C2orf76: variants seen among roughly 807,000 people sequenced by gnomAD.
The protein encoded by C2orf76 is chromosome 2 open reading frame 76.
In C2orf76, 23 loss-of-function variants were observed where a neutral mutation model predicts 16.9. The observed-to-expected ratio is 1.36, with a 90% CI of 0.98 to 1.93. The LOEUF is 1.93. Ranked by LOEUF, C2orf76 falls within the 30% of genes most tolerant of loss-of-function variation. The pLI is 0.00. For missense variants in C2orf76, 152 were observed against 152.6 expected (o/e 1.00, Z 0.02); for synonymous variants, 48 against 52.3 (o/e 0.92, Z 0.35).
upstream of C2orf76, chr2:119,367,002 G>A (rs752089168): frequency 3.0e-5 from 49 of 1,612,644 alleles, no homozygotes; most frequent in Non-Finnish European, 4.2e-5. Flanking sequence ...ATCGCTTCCT[G>A]GTCCTCGCCT....
chr2:119,293,205 A>G, the C2orf76 span, among the ~76,000 whole-genome samples: 1 of 152,266 alleles, frequency 6.6e-6, no homozygotes, highest in Non-Finnish European at 1.5e-5. Flanking sequence ...TTAAAAAAGT[A>G]AAACAGAGAT....
At chr2:119,284,745 G>A in the C2orf76 span, among the ~76,000 whole-genome samples, 1 of 149,428 alleles carries the variant, frequency 6.7e-6, no homozygotes, top group Non-Finnish European at 1.5e-5. Context: ...AAATTCATAT[G>A]CATGGACAGG....
chr2:119,292,266 T>C, the C2orf76 span, among the ~76,000 whole-genome samples: 71,656 of 152,024 alleles, frequency 0.47, 17,229 homozygotes, highest in African/African-American at 0.55. Context: ...GTTTTCTACT[T>C]AGTTTTCCAG....
intron 5 of C2orf76, among the ~76,000 whole-genome samples, chr2:119,303,103 C>T (rs1175026999): frequency 6.6e-6 from 1 of 152,132 alleles, no homozygotes; most frequent in Non-Finnish European, 1.5e-5. Flanking sequence ...TTAATTCATG[C>T]GGCTTCAACA....
At chr2:119,359,414 T>C (rs573928394) in intron 1 of C2orf76, among the ~76,000 whole-genome samples, 1 of 152,280 alleles carries the variant, frequency 6.6e-6, no homozygotes, top group Non-Finnish European at 1.5e-5. Flanking sequence ...TTTAAGAAAA[T>C]ACATCTTGTA....
chr2:119,285,147 C>A, the C2orf76 span, among the ~76,000 whole-genome samples: 5 of 152,164 alleles, frequency 3.3e-5, no homozygotes, highest in Admixed American at 6.5e-5. Flanking sequence ...TCTTAACAAT[C>A]TGATAATTTA....
chr2:119,305,787 G>C (rs1678758529), intron 5 of C2orf76, among the ~76,000 whole-genome samples: 1 of 152,118 alleles, frequency 6.6e-6, no homozygotes, highest in South Asian at 2.1e-4. Context: ...GCTCACAGCT[G>C]AGTTATATTT....
At chr2:119,353,761 C>G (rs1680480501) in intron 1 of C2orf76, among the ~76,000 whole-genome samples, 1 of 151,942 alleles carries the variant, frequency 6.6e-6, no homozygotes, top group Non-Finnish European at 1.5e-5. Flanking sequence ...TGGGGTTTCA[C>G]CATGTTGAGC....
chr2:119,338,040 T>C (rs1573659690), intron 2 of C2orf76, among the ~76,000 whole-genome samples: 1 of 152,222 alleles, frequency 6.6e-6, no homozygotes, highest in South Asian at 2.1e-4. Flanking sequence ...ACAAAGATTA[T>C]AAAATAAAAA....
chr2:119,311,345 C>T (rs902307947), intron 5 of C2orf76: 3 of 985,326 alleles, frequency 3.0e-6, no homozygotes, highest in South Asian at 4.7e-5. Context: ...GTACTTACAA[C>T]CCGTCACTTA....
At chr2:119,355,196 A>G (rs13011967) in intron 1 of C2orf76, among the ~76,000 whole-genome samples, 3 of 152,198 alleles carry the variant, frequency 2.0e-5, no homozygotes, top group South Asian at 2.1e-4. Flanking sequence ...TATACTGGGT[A>G]TAAATTCTAT....
At chr2:119,347,665 A>G (rs1680248338) in intron 1 of C2orf76, among the ~76,000 whole-genome samples, 1 of 152,134 alleles carries the variant, frequency 6.6e-6, no homozygotes. Flanking sequence ...TAAGCGCAGG[A>G]GTTCAAGACC....
chr2:119,355,133 G>A (rs930819456), intron 1 of C2orf76, among the ~76,000 whole-genome samples: 2 of 152,192 alleles, frequency 1.3e-5, no homozygotes, highest in African/African-American at 4.8e-5. Flanking sequence ...TTTCCCAAGG[G>A]TTGGAGACTT....
the C2orf76 span, among the ~76,000 whole-genome samples, chr2:119,288,252 G>A: frequency 3.3e-4 from 50 of 151,308 alleles, no homozygotes; most frequent in Admixed American, 3.3e-4. Context: ...CGCCTTCCGG[G>A]TTCCCGCCAT....
chr2:119,339,695 G>A (rs113882567), intron 2 of C2orf76, 132 bp downstream of exon 2: 9 of 936,260 alleles, frequency 9.6e-6, no homozygotes, highest in South Asian at 1.9e-5. Flanking sequence ...ACCGGGGCTC[G>A]CCCAGCACCT....
the C2orf76 span, among the ~76,000 whole-genome samples, chr2:119,284,830 A>C: frequency 1.3e-5 from 2 of 152,178 alleles, no homozygotes; most frequent in African/African-American, 4.8e-5. Flanking sequence ...AAACGATTTA[A>C]CCCATCATTT....
At chr2:119,329,026 C>A (rs748952889) in intron 2 of C2orf76, among the ~76,000 whole-genome samples, 1 of 152,116 alleles carries the variant, frequency 6.6e-6, no homozygotes, top group Non-Finnish European at 1.5e-5. Context: ...CATAAACGCT[C>A]CATGTGCATT....
chr2:119,352,507 T>C (rs532563275), intron 1 of C2orf76, among the ~76,000 whole-genome samples: 3 of 152,324 alleles, frequency 2.0e-5, no homozygotes, highest in Admixed American at 2.0e-4. Context: ...AGCCAAACTT[T>C]CAGCCAATAC....
intron 2 of C2orf76, among the ~76,000 whole-genome samples, chr2:119,334,780 T>C (rs1679793598): frequency 6.6e-6 from 1 of 151,870 alleles, no homozygotes; most frequent in African/African-American, 2.4e-5. Context: ...ATCTAATCTA[T>C]CTGTACTACA....
Sources: gnomAD v4.1 joint callset for allele counts (sites outside exome capture counted in the v4.1 genomes callset) on GRCh38, gnomAD v4.1.1 for gene constraint, MANE v1.5 for transcripts, NCBI Gene and HGNC (gene_info 2026-07-23, HGNC 2026-07-21) for gene names.